ANKRD12: variants seen among roughly 807,000 people sequenced by gnomAD.
The protein encoded by ANKRD12 is ankyrin repeat domain 12.
A neutral mutation model predicts 183.4 loss-of-function variants in ANKRD12; 85 were observed. The ratio of observed to expected loss-of-function variants is 0.46; its 90% CI spans 0.39 to 0.56. The LOEUF is 0.56. Ranked by LOEUF, ANKRD12 falls within the 20% of genes least tolerant of loss-of-function variation. The probability of loss-of-function intolerance (pLI) is 0.00; values close to 1 mark genes in which losing one functional copy is unlikely to be tolerated. For synonymous variants in ANKRD12, 914 were observed against 800.2 expected (o/e 1.14, Z -2.40); for missense variants, 2,405 against 2,357.1 (o/e 1.02, Z -0.42).
intron 1 of ANKRD12, among the ~76,000 whole-genome samples, chr18:9,181,281 T>C (rs1487317819): frequency 6.6e-6 from 1 of 152,212 alleles, no homozygotes; most frequent in Non-Finnish European, 1.5e-5. Context: ...ATTTAAGGGA[T>C]TTTTGGTTTC....
intron 8 of ANKRD12, among the ~76,000 whole-genome samples, chr18:9,236,820 C>A (rs773059862): frequency 1.8e-4 from 28 of 152,108 alleles, no homozygotes; most frequent in Non-Finnish European, 2.5e-4. Context: ...CACATATATA[C>A]CCCTTGACAT....
intron 10 of ANKRD12, among the ~76,000 whole-genome samples, chr18:9,268,575 T>G (rs942616372): frequency 9.9e-5 from 15 of 152,160 alleles, no homozygotes; most frequent in African/African-American, 3.6e-4. Flanking sequence ...TCAACAACCC[T>G]TCATGCTAAA....
intron 9 of ANKRD12, among the ~76,000 whole-genome samples, chr18:9,262,725 A>T (rs1052892109): frequency 6.4e-5 from 9 of 141,518 alleles, no homozygotes; most frequent in Non-Finnish European, 1.2e-4. Flanking sequence ...AAGCAATCCT[A>T]CTTCAGCCTC....
At chr18:9,174,641 A>G (rs2033082612) in intron 1 of ANKRD12, among the ~76,000 whole-genome samples, 1 of 152,168 alleles carries the variant, frequency 6.6e-6, no homozygotes, top group Non-Finnish European at 1.5e-5. Context: ...TGGGTGGGCC[A>G]TTGCCACACC....
At chr18:9,234,137 G>A (rs773819142) in intron 8 of ANKRD12, among the ~76,000 whole-genome samples, 10 of 152,150 alleles carry the variant, frequency 6.6e-5, no homozygotes, top group Non-Finnish European at 1.5e-4. Context: ...TCCACCCTTC[G>A]TACACAGGCC....
chr18:9,183,241 A>C (rs1302773858), intron 2 of ANKRD12, among the ~76,000 whole-genome samples: 1 of 152,144 alleles, frequency 6.6e-6, no homozygotes, highest in Non-Finnish European at 1.5e-5. Flanking sequence ...ATTTCATATA[A>C]ATTTTAGGAT....
intron 8 of ANKRD12, among the ~76,000 whole-genome samples, chr18:9,253,036 A>G (rs1216662932): frequency 6.6e-6 from 1 of 152,158 alleles, no homozygotes; most frequent in Non-Finnish European, 1.5e-5. Context: ...ATAAATGTAT[A>G]TATAAATATG....
At chr18:9,195,498 T>C in intron 2 of ANKRD12, 53 bp from the exon 3 acceptor site, 3 of 1,379,364 alleles carry the variant, frequency 2.2e-6, no homozygotes, top group Non-Finnish European at 2.9e-6. Flanking sequence ...GTTTCTATAC[T>C]GTATTGCTTA....
At chr18:9,162,666 A>G (rs900686658) in intron 1 of ANKRD12, among the ~76,000 whole-genome samples, 1 of 152,182 alleles carries the variant, frequency 6.6e-6, no homozygotes, top group Non-Finnish European at 1.5e-5. Flanking sequence ...TAACACTCCC[A>G]CTAACAGTGT....
intron 1 of ANKRD12, among the ~76,000 whole-genome samples, chr18:9,179,284 G>C (rs958618344): frequency 6.6e-6 from 1 of 151,978 alleles, no homozygotes; most frequent in Non-Finnish European, 1.5e-5. Context: ...ACTTACGTAG[G>C]ACCACCAGTA....
intron 1 of ANKRD12, among the ~76,000 whole-genome samples, chr18:9,180,155 A>G (rs934470160): frequency 2.0e-5 from 3 of 152,146 alleles, no homozygotes; most frequent in Non-Finnish European, 4.4e-5. Flanking sequence ...TTGCATACAT[A>G]TGTCAGATTG....
At chr18:9,150,767 C>T (rs2078659447) in intron 1 of ANKRD12, among the ~76,000 whole-genome samples, 1 of 152,142 alleles carries the variant, frequency 6.6e-6, no homozygotes, top group African/African-American at 2.4e-5. Flanking sequence ...CATTCTCCTG[C>T]CTCAGCCTCC....
Position 9,218,389 on chromosome 18 carries a change from C to G in ANKRD12, c.795+1489C>G, listed in dbSNP as rs139407639. Among the ~76,000 whole-genome samples, 967 of 152,190 alleles carry G rather than the reference C, an allele frequency of 6.4e-3. 7 individuals carry two copies. The highest frequency in any genetic ancestry group is 0.017 in the Middle Eastern group (5 of 294). ...TTTCTCCTTGTTCCTTTTACTTGTG[C>G]GTTAGGAGGAAGAATGAGAGCCACC... is the stretch of plus-strand genomic sequence containing the variant. On this transcript the variant is annotated intron_variant, in intron 7 of 12. Transcript: ENST00000262126.
intron 2 of ANKRD12, among the ~76,000 whole-genome samples, chr18:9,192,409 T>C (rs191410941): frequency 3.3e-5 from 5 of 152,308 alleles, no homozygotes; most frequent in Admixed American, 3.3e-4. Context: ...TTGATTATAA[T>C]ATATTCTAAG....
Position 9,281,239 on chromosome 18 carries a change from C to T in ANKRD12, c.*113C>T, listed in dbSNP as rs1452930820. The T allele has an allele frequency of 8.2e-6, 7 of 855,444 alleles. No homozygotes were observed. Among genetic ancestry groups the T allele is most frequent in the East Asian group, 2.8e-5 (1 of 36,252 alleles). 53.0% of individuals were successfully genotyped at this position (855,444 alleles called of 1,614,324 possible). A position where few individuals can be genotyped will look rare whatever the true frequency, so the allele number is the denominator to read the frequency against. On this transcript the variant is annotated 3_prime_UTR_variant, in exon 13 of 13. Coordinates refer to ENST00000262126, the MANE Select transcript of ANKRD12 (RefSeq NM_015208.5). ...TGCCTTTACAATTGTTAGTAAAGTT[C>T]GATTATAGTTGGTTATGTAGTAAAC...
In ANKRD12 at chr18:9,284,333, T is replaced by C. The variant is rs537213716; in HGVS notation, c.*3207T>C. On this transcript the variant is annotated 3_prime_UTR_variant, in exon 13 of 13. Transcript: ENST00000262126. ...CCATGAAGCTCATTTGAATGGGACT[T>C]AACAATTAGACAGTTATTTTAGAAA... 3.9e-5 allele frequency: 6 copies of C among 152,326 alleles called. No homozygotes were observed. Among genetic ancestry groups the C allele is most frequent in the Non-Finnish European group, 8.8e-5 (6 of 68,028 alleles). 9.4% of individuals were successfully genotyped at this position (152,326 alleles called of 1,614,324 possible).
At chr18:9,175,687 C>A (rs1183853570) in intron 1 of ANKRD12, among the ~76,000 whole-genome samples, 1 of 151,662 alleles carries the variant, frequency 6.6e-6, no homozygotes, top group Non-Finnish European at 1.5e-5. Flanking sequence ...GCCACCATGC[C>A]CAGCTAATTT....
chr18:9,228,773 A>G (rs2036871012), intron 8 of ANKRD12, among the ~76,000 whole-genome samples: 1 of 151,936 alleles, frequency 6.6e-6, no homozygotes, highest in Non-Finnish European at 1.5e-5. Context: ...TTGTCTCTTT[A>G]CCCTCTTGAT....
intron 1 of ANKRD12, among the ~76,000 whole-genome samples, chr18:9,171,540 G>A (rs112298483): frequency 3.3e-4 from 50 of 152,282 alleles, no homozygotes; most frequent in African/African-American, 1.2e-3. Flanking sequence ...GTGTACTTCA[G>A]TGTGTTTTGT....
Sources: allele counts gnomAD v4.1 joint callset (sites outside exome capture counted in the v4.1 genomes callset), GRCh38; gene constraint gnomAD v4.1.1; transcripts MANE v1.5; gene names NCBI Gene and HGNC (gene_info 2026-07-23, HGNC 2026-07-21).